The following MAN1A1 variants were observed in gnomAD, a reference collection of about 807,000 sequenced individuals.
The protein encoded by MAN1A1 is mannosidase alpha class 1A member 1, also known as mannosyl-oligosaccharide 1,2-alpha-mannosidase IA.
In MAN1A1, 29 loss-of-function variants were observed where a neutral mutation model predicts 70.8. The ratio of observed to expected loss-of-function variants is 0.41; its 90% CI spans 0.31 to 0.56. The LOEUF (loss-of-function observed/expected upper bound fraction) is 0.56, where lower values mean the gene tolerates loss of function less well. Ranked by LOEUF, MAN1A1 falls within the 20% of genes least tolerant of loss-of-function variation. The pLI, the probability that MAN1A1 is intolerant of heterozygous loss-of-function variation, is 0.29. For missense variants in MAN1A1, 747 were observed against 841.3 expected, an observed-to-expected ratio of 0.89 and a Z score of 1.39; for synonymous variants, 349 against 330.1, an observed-to-expected ratio of 1.06 and a Z score of -0.62.
rs138981359 is a variant in MAN1A1, at chr6:119,216,156, C to T, written c.993-11274G>A. 2.0e-3 allele frequency among the ~76,000 whole-genome samples: 306 copies of T among 152,250 alleles called. 1 individual carries two copies. The highest frequency in any genetic ancestry group is 3.4e-3 in the Non-Finnish European group (230 of 68,006). ...CACAGGGACACTAGGCCAGATCAAG[C>T]GTTTCAATTTATTCTAAGTGCAGTG... is the stretch of plus-strand genomic sequence containing the variant. On this transcript the variant is annotated intron_variant, in intron 6 of 12. Coordinates refer to ENST00000368468, the MANE Select transcript of MAN1A1 (RefSeq NM_005907.4).
intron 6 of MAN1A1, among the ~76,000 whole-genome samples, chr6:119,216,489 A>ATT (rs1774206731): frequency 6.6e-6 from 1 of 152,186 alleles, no homozygotes; most frequent in South Asian, 2.1e-4. Context: ...CAGCTGGGTA[A>ATT]GTACTGATAG....
chr6:119,321,617 ATTT>A (rs386359347), intron 2 of MAN1A1, among the ~76,000 whole-genome samples: 5 of 133,296 alleles, frequency 3.8e-5, no homozygotes, highest in Non-Finnish European at 6.3e-5. Context: ...ATGGCCTGCA[ATTT>A]TTTTTTTTTT....
At chr6:119,287,836 C>T (rs1000166985) in intron 5 of MAN1A1, among the ~76,000 whole-genome samples, 1 of 151,906 alleles carries the variant, frequency 6.6e-6, no homozygotes, top group Non-Finnish European at 1.5e-5. Flanking sequence ...TAGAGCAGTG[C>T]TACCTTTTAA....
rs140726044 is a variant in MAN1A1, at chr6:119,204,776, G to T, written c.1099C>A (p.Pro367Thr). Residue 367 changes from proline to threonine, a missense_variant, in exon 7 of 13, where the codon CCC becomes ACC. Physicochemically the swap from Pro to Thr is conservative, Grantham distance 38. Coordinates refer to ENST00000368468, the MANE Select transcript of MAN1A1 (RefSeq NM_005907.4). ...FMHLSHLSGN[P>T]IFAEKVMNIR... ...AATCTCACCTTTTCAGCAAAGATGG[G>T]GTTTCCTGATAAGTGGCTCAAGTGC... 3 of 1,613,792 alleles carry T rather than the reference G, an allele frequency of 1.9e-6. No homozygotes were observed. Among genetic ancestry groups the T allele is most frequent in the Non-Finnish European group, 2.5e-6 (3 of 1,179,844 alleles).
chr6:119,203,789 C>A (rs1014859996), intron 7 of MAN1A1, among the ~76,000 whole-genome samples: 3 of 152,106 alleles, frequency 2.0e-5, no homozygotes, highest in Non-Finnish European at 1.5e-5. Flanking sequence ...TTAAGTGGGA[C>A]TTGTCTATCG....
chr6:119,210,073 T>G (rs554851565), intron 6 of MAN1A1, among the ~76,000 whole-genome samples: 1 of 152,252 alleles, frequency 6.6e-6, no homozygotes, highest in South Asian at 2.1e-4. Context: ...ATGTAACAAT[T>G]TAGTTTACTC....
chr6:119,290,524 T>TA (rs1245210218), intron 5 of MAN1A1, among the ~76,000 whole-genome samples, 159 bp downstream of exon 5: 5 of 152,064 alleles, frequency 3.3e-5, no homozygotes. Flanking sequence ...CTCATTTCAT[T>TA]AGTACATATT....
At position 119,261,664 on chromosome 6, in the gene MAN1A1, T is replaced by C. The variant is rs564697109; in HGVS notation, c.898-13310A>G. ...TCACCATCAACCTTACCACATACAA[T>C]TGGCAAATTTAGAAAGAGAATAGCA... On this transcript the variant is annotated intron_variant, in intron 5 of 12. Coordinates refer to ENST00000368468, the MANE Select transcript of MAN1A1 (RefSeq NM_005907.4). Among the ~76,000 whole-genome samples the C allele has an allele frequency of 3.9e-5, 6 of 152,288 alleles. No homozygotes were observed. In the South Asian group the frequency reaches 6.2e-4, roughly 16 times the overall value.
chr6:119,229,525 T>C (rs1774616638), intron 6 of MAN1A1, among the ~76,000 whole-genome samples: 1 of 152,216 alleles, frequency 6.6e-6, no homozygotes, highest in Non-Finnish European at 1.5e-5. Context: ...CTATAAATTG[T>C]TATGTTAGCT....
At chr6:119,188,668 C>T (rs1773357386) in intron 10 of MAN1A1, 91 bp from the exon 11 acceptor site, 6 of 1,176,892 alleles carry the variant, frequency 5.1e-6, no homozygotes, top group Non-Finnish European at 7.3e-6. Flanking sequence ...TACAGTCATC[C>T]CTCAGTATCT....
chr6:119,305,688 G>A (rs577977955), intron 3 of MAN1A1, among the ~76,000 whole-genome samples: 87 of 152,102 alleles, frequency 5.7e-4, no homozygotes, highest in Non-Finnish European at 1.1e-3. Context: ...TGGTTCCTCA[G>A]AATTTCATGG....
At chr6:119,275,841 T>G (rs565204966) in intron 5 of MAN1A1, among the ~76,000 whole-genome samples, 1 of 152,352 alleles carries the variant, frequency 6.6e-6, no homozygotes, top group South Asian at 2.1e-4. Context: ...ACACTGGTTT[T>G]GGGAATAATA....
chr6:119,214,479 G>A (rs187170447), intron 6 of MAN1A1, among the ~76,000 whole-genome samples: 44 of 152,198 alleles, frequency 2.9e-4, no homozygotes, highest in African/African-American at 1.0e-3. Flanking sequence ...TTTTTAAATT[G>A]TAAAATGCAA....
intron 2 of MAN1A1, among the ~76,000 whole-genome samples, chr6:119,334,585 T>C (rs2114498609): frequency 6.6e-6 from 1 of 152,354 alleles, no homozygotes; most frequent in South Asian, 2.1e-4. Flanking sequence ...AGGCATAAAC[T>C]ACATTTAAGG....
intron 4 of MAN1A1, among the ~76,000 whole-genome samples, chr6:119,294,055 C>T (rs1438630410): frequency 3.3e-5 from 5 of 152,114 alleles, no homozygotes; most frequent in Admixed American, 2.6e-4. Context: ...AACCTACCTT[C>T]CCAGGGTCAC....
intron 5 of MAN1A1, among the ~76,000 whole-genome samples, chr6:119,272,864 C>A (rs187730123): frequency 2.4e-4 from 36 of 152,226 alleles, no homozygotes; most frequent in African/African-American, 8.2e-4. Flanking sequence ...TATGACCAAT[C>A]TTTATTTAAG....
At chr6:119,262,575 T>C (rs147795617) in intron 5 of MAN1A1, among the ~76,000 whole-genome samples, 4,543 of 152,306 alleles carry the variant, frequency 0.03, 92 homozygotes, top group South Asian at 0.073. Context: ...AGTTTGGTGA[T>C]TTCTCAAAGA....
intron 8 of MAN1A1, among the ~76,000 whole-genome samples, chr6:119,198,176 G>A (rs1284092492): frequency 6.6e-6 from 1 of 152,162 alleles, no homozygotes; most frequent in African/African-American, 2.4e-5. Flanking sequence ...ATCACCTGAG[G>A]TCAGGAGTTC....
chr6:119,197,336 AAGAT>A (rs1456217207), intron 8 of MAN1A1, among the ~76,000 whole-genome samples: 6 of 152,180 alleles, frequency 3.9e-5, no homozygotes, highest in Admixed American at 6.5e-5. Context: ...AAGGGGCAAA[AAGAT>A]AGATCAGATA....
Sources: allele counts gnomAD v4.1 joint callset (sites outside exome capture counted in the v4.1 genomes callset), GRCh38; gene constraint gnomAD v4.1.1; transcripts MANE v1.5; gene names NCBI Gene and HGNC (gene_info 2026-07-23, HGNC 2026-07-21).